CLTRN: variants seen among roughly 807,000 people sequenced by gnomAD.
The protein encoded by CLTRN is collectrin.
Under a neutral mutation model 14.5 loss-of-function variants are expected in CLTRN, and 12 were observed. The ratio of observed to expected loss-of-function variants is 0.83; its 90% CI spans 0.53 to 1.34. The LOEUF (loss-of-function observed/expected upper bound fraction) is 1.34. CLTRN is among the 40% of genes most tolerant of loss of function. The probability of loss-of-function intolerance (pLI) is 0.00; values close to 1 mark genes in which losing one functional copy is unlikely to be tolerated. For missense variants in CLTRN, 154 were observed against 165.1 expected (o/e 0.93, Z 0.37); for synonymous variants, 58 against 56.5 (o/e 1.03, Z -0.12).
At chrX:15,653,499 TTCC>T (rs1303529885) in intron 3 of CLTRN, among the ~76,000 whole-genome samples, 1 of 111,057 alleles carries the variant, frequency 9.0e-6, no homozygotes, top group Non-Finnish European at 1.9e-5. Flanking sequence ...CATCACCTTC[TTCC>T]TCCTCTTTTT....
At chrX:15,634,975 A>AG (rs1928786206) in intron 5 of CLTRN, among the ~76,000 whole-genome samples, 1 of 109,005 alleles carries the variant, frequency 9.2e-6, no homozygotes, top group East Asian at 3.0e-4. Context: ...ATAAAAGAAA[A>AG]AAAATCGCTT....
chrX:15,654,789 G>A (rs1052980177), intron 3 of CLTRN, among the ~76,000 whole-genome samples: 1 of 112,537 alleles, frequency 8.9e-6, no homozygotes, highest in African/African-American at 3.2e-5. Flanking sequence ...GTGGGACCTG[G>A]TCTTAGTCCT....
intron 5 of CLTRN, among the ~76,000 whole-genome samples, chrX:15,630,652 T>G (rs1928674105): frequency 8.9e-6 from 1 of 111,934 alleles, no homozygotes; most frequent in African/African-American, 3.3e-5. Context: ...TAAACATTTA[T>G]TAATAAAACT....
intron 3 of CLTRN, chrX:15,646,473 C>CCCCCCCCCCCCCCCAAA: frequency 7.7e-6 from 2 of 258,337 alleles, no homozygotes; most frequent in Non-Finnish European, 1.5e-5. Flanking sequence ...CCCCCCCGCC[C>CCCCCCCCCCCCCCCAAA]GACCCCCGCG....
intron 3 of CLTRN, among the ~76,000 whole-genome samples, chrX:15,657,089 C>A (rs1929387351): frequency 9.1e-6 from 1 of 110,404 alleles, no homozygotes; most frequent in African/African-American, 3.3e-5. Context: ...GCCTCAAACT[C>A]CCAGGCTCAA....
At chrX:15,632,756 C>T (rs1385871051) in intron 5 of CLTRN, among the ~76,000 whole-genome samples, 5 of 92,578 alleles carry the variant, frequency 5.4e-5, no homozygotes, top group African/African-American at 1.2e-4. Context: ...TGGTGGCGGG[C>T]GCCTGTAGTC....
At chrX:15,663,354 C>T (rs2147215018) in intron 2 of CLTRN, among the ~76,000 whole-genome samples, 1 of 112,155 alleles carries the variant, frequency 8.9e-6, no homozygotes, top group South Asian at 3.7e-4. Context: ...ACTGCCTGGG[C>T]TCAAATCTTA....
chrX:15,652,952 G>T (rs1203426180), intron 3 of CLTRN, among the ~76,000 whole-genome samples: 1 of 110,896 alleles, frequency 9.0e-6, no homozygotes, highest in East Asian at 2.8e-4. Context: ...GTTGTGGCAG[G>T]CACCTGTAAT....
chrX:15,639,867 T>A, intron 4 of CLTRN, 111 bp from the exon 5 acceptor site: 1 of 769,909 alleles, frequency 1.3e-6, no homozygotes, highest in Non-Finnish European at 1.8e-6. Flanking sequence ...AAACAAAGCA[T>A]CCTCCTGGCA....
rs1190493057 is a variant in CLTRN at position 15,670,877 on chromosome X, CAAGTGTGTGTGTGTGTGTGT to C, written c.-505-2961_-505-2942del. On this transcript the variant is annotated intron_variant, in intron 1 of 6. Coordinates refer to the CLTRN transcript ENST00000650271. ...GGAAGAACAGAAGAAAAAAGGGAGACAAGTGTGTGTGTGTGTGTGTGTGTGTGTGTGTGTGTGTGTGTGTG... is the reference window on the plus strand; with the variant it reads ...GGAAGAACAGAAGAAAAAAGGGAGACGTGTGTGTGTGTGTGTGTGTGTGTG... Among the ~76,000 whole-genome samples, 42 of 76,730 alleles carry C rather than the reference CAAGTGTGTGTGTGTGTGTGT, an allele frequency of 5.5e-4. No individual in the cohort carries two copies. The Middle Eastern group carries it at 0.02, about 37-fold the overall frequency. 66.6% of individuals were successfully genotyped at this position (76,730 alleles called of 115,157 possible).
chrX:15,671,205 G>C lies in CLTRN; in HGVS notation c.-505-3269C>G, dbSNP rs537885520. On this transcript the variant is annotated intron_variant, in intron 1 of 6. Coordinates refer to the CLTRN transcript ENST00000650271. ...ATACAATTGTGAACAAAATGCTATA[G>C]GAACACTGGAGAAAAAGAGGATAAA... 7.2e-5 allele frequency among the ~76,000 whole-genome samples: 8 copies of C among 111,644 alleles called. No individual in the cohort carries two copies. In the East Asian group the frequency reaches 2.0e-3, roughly 27 times the overall value.
At chrX:15,664,519 C>T (rs956480954) in intron 1 of CLTRN, 124 bp from the exon 2 acceptor site, 20 of 656,814 alleles carry the variant, frequency 3.0e-5, no homozygotes, top group Non-Finnish European at 4.2e-5. Context: ...ATTAAACAGC[C>T]CCAAATACTC....
chrX:15,646,462 A>ACCCCCCCCCCCC (rs111413791), intron 3 of CLTRN: 15 of 177,547 alleles, frequency 8.4e-5, no homozygotes, highest in Non-Finnish European at 1.3e-4. Context: ...CCGCGCACCC[A>ACCCCCCCCCCCC]CCCCCCCGCC....
At position 15,627,856 on chromosome X, in the gene CLTRN, T is replaced by C; in HGVS notation, c.*115A>G. On this transcript the variant is annotated 3_prime_UTR_variant, in exon 6 of 6. Transcript: ENST00000380342. Reference sequence around the variant, plus strand: ...CACTTTCAAGCACATTCAAAATTTATTACAAAAGAAGAATGGTGAAACAAA... The same window carrying C: ...CACTTTCAAGCACATTCAAAATTTACTACAAAAGAAGAATGGTGAAACAAA... The C allele has an allele frequency of 1.7e-6, 1 of 605,514 alleles. No homozygotes were observed. Among genetic ancestry groups the C allele is most frequent in the Non-Finnish European group, 2.3e-6 (1 of 441,212 alleles). The allele number at this position is 605,514 out of a possible 1,213,427, so 49.9% of individuals were successfully genotyped here.
At chrX:15,652,554 C>T (rs757009405) in intron 3 of CLTRN, among the ~76,000 whole-genome samples, 4 of 109,869 alleles carry the variant, frequency 3.6e-5, no homozygotes, top group Non-Finnish European at 5.7e-5. Flanking sequence ...CTTATAGTAC[C>T]GCTAAGTTCA....
chrX:15,660,967 T>C (rs1929494275), intron 2 of CLTRN, among the ~76,000 whole-genome samples: 1 of 112,954 alleles, frequency 8.9e-6, no homozygotes, highest in Non-Finnish European at 1.9e-5. Context: ...TTTCATTTGA[T>C]ATTATACTAT....
rs1929028811 is a variant in CLTRN, at chrX:15,645,016, G to A, written c.217C>T (p.Leu73=). ...ACCCTCTGGGTTACATTGCAAAGTA[G>A]GACATGGGAAATTCTGCAGACAGTG... ...NREATEISHV[L]LCNVTQRVSF... The change falls in exon 4 of 6, where the codon CTA becomes TTA. Residue 73 remains leucine (L), a synonymous_variant. Coordinates refer to ENST00000380342, the MANE Select transcript of CLTRN (RefSeq NM_020665.6). 1 of 1,187,224 alleles carries A rather than the reference G, an allele frequency of 8.4e-7. No homozygotes were observed. The highest frequency in any genetic ancestry group is 1.1e-6 in the Non-Finnish European group (1 of 880,173).
chrX:15,650,434 T>C (rs1018060821), intron 3 of CLTRN, among the ~76,000 whole-genome samples: 1 of 111,794 alleles, frequency 8.9e-6, no homozygotes, highest in African/African-American at 3.3e-5. Flanking sequence ...AAGAAAGCTG[T>C]ATTCAAATGC....
chrX:15,664,426 T>A (rs772537675), intron 1 of CLTRN, 31 bp from the exon 2 acceptor site: 1 of 1,123,118 alleles, frequency 8.9e-7, no homozygotes, highest in African/African-American at 1.8e-5. Context: ...AAGAGCAGTA[T>A]ATGATGATTA....
Sources: gnomAD v4.1 joint callset for allele counts (sites outside exome capture counted in the v4.1 genomes callset) on GRCh38, gnomAD v4.1.1 for gene constraint, MANE v1.5 for transcripts, NCBI Gene and HGNC (gene_info 2026-07-23, HGNC 2026-07-21) for gene names.